Variants in RPS6KA2 observed in about 807,000 individuals in gnomAD.
RPS6KA2 encodes the protein ribosomal protein S6 kinase A2.
Under a neutral mutation model 91.8 loss-of-function variants are expected in RPS6KA2, and 42 were observed. The observed-to-expected ratio is 0.46, with a 90% confidence interval of 0.36 to 0.59. The LOEUF is 0.59. RPS6KA2 is among the 20% of genes least tolerant of loss of function. RPS6KA2 has a pLI of 0.00. For synonymous variants in RPS6KA2, 414 were observed against 393.6 expected (o/e 1.05, Z -0.61); for missense variants, 798 against 978.5 (o/e 0.82, Z 2.46).
intron 2 of RPS6KA2, among the ~76,000 whole-genome samples, chr6:166,810,502 C>T (rs1353409898): frequency 3.9e-5 from 6 of 152,138 alleles, no homozygotes; most frequent in Admixed American, 1.3e-4. Context: ...GAGATTGTGA[C>T]TAACTCAATC....
At chr6:166,467,278 G>A (rs1780577542) in intron 11 of RPS6KA2, among the ~76,000 whole-genome samples, 1 of 151,658 alleles carries the variant, frequency 6.6e-6, no homozygotes, top group African/African-American at 2.4e-5. Context: ...GATTCATAAA[G>A]TGCCTCCTTT....
rs115510230 is a variant in RPS6KA2 at position 166,736,938 on chromosome 6, G to A, written c.123+121262C>T. Among the ~76,000 whole-genome samples, 237 of 152,018 alleles carry A rather than the reference G, an allele frequency of 1.6e-3. 2 individuals carry two copies. The highest frequency in any genetic ancestry group is 5.3e-3 in the African/African-American group (218 of 41,472). On this transcript the variant is annotated intron_variant, in intron 2 of 21. Coordinates refer to the RPS6KA2 transcript ENST00000503859. ...TATCTCCTAGCAGAATTGACAAAAT[G>A]GGAAAATCCCTGAAGACATGTACTC...
At position 166,532,384 on chromosome 6, in the gene RPS6KA2, G is replaced by C. The variant is rs1041893189; in HGVS notation, c.217-1071C>G. Among the ~76,000 whole-genome samples, 4 of 152,220 alleles carry C rather than the reference G, an allele frequency of 2.6e-5. No individual in the cohort carries two copies. In the East Asian group the frequency reaches 7.7e-4, roughly 29 times the overall value. On this transcript the variant is annotated intron_variant, in intron 2 of 20. Transcript: ENST00000265678. ...GGGGCTCTAGGAGCAGGGGCTGCTA[G>C]GGCAGCCCAACTGGAGGGAGACCAA...
chr6:166,789,865 A>G (rs1779036541), intron 2 of RPS6KA2, among the ~76,000 whole-genome samples: 1 of 152,214 alleles, frequency 6.6e-6, no homozygotes, highest in Admixed American at 6.5e-5. Flanking sequence ...CCATCTGTAC[A>G]TCACCATCAT....
At chr6:166,705,903 T>C (rs1213616985) in intron 2 of RPS6KA2, among the ~76,000 whole-genome samples, 1 of 152,046 alleles carries the variant, frequency 6.6e-6, no homozygotes, top group Non-Finnish European at 1.5e-5. Flanking sequence ...GGGAGGTGAT[T>C]AGGTCATGAG....
At chr6:166,672,182 G>C (rs1010212519) in intron 2 of RPS6KA2, among the ~76,000 whole-genome samples, 8 of 152,132 alleles carry the variant, frequency 5.3e-5, no homozygotes, top group Non-Finnish European at 1.2e-4. Context: ...AGAGACCCAG[G>C]GCGGATATGA....
At position 166,419,749 on chromosome 6, in the gene RPS6KA2, A is replaced by T. The variant is rs542972717; in HGVS notation, c.1820+133T>A. 1.9e-4 allele frequency: 129 copies of T among 688,902 alleles called. 4 individuals carry two copies. The South Asian group carries it at 2.1e-3, about 11-fold the overall frequency. 42.7% of individuals were successfully genotyped at this position (688,902 alleles called of 1,614,324 possible). On this transcript the variant is annotated intron_variant, in intron 18 of 20. Coordinates refer to ENST00000265678, the MANE Select transcript of RPS6KA2 (RefSeq NM_021135.6). The surrounding 1 kb of genome is among the most constrained non-coding windows in gnomAD (Gnocchi z 5.6). ...TGCGAGTGTTCACTCAAGGCCTGGGAGTGTTTGCATACACGTTGGGTTTGC... is the reference window on the plus strand; with the variant it reads ...TGCGAGTGTTCACTCAAGGCCTGGGTGTGTTTGCATACACGTTGGGTTTGC...
chr6:166,515,741 G>GC (rs1315358932), intron 3 of RPS6KA2, among the ~76,000 whole-genome samples: 1 of 152,136 alleles, frequency 6.6e-6, no homozygotes, highest in Non-Finnish European at 1.5e-5. Context: ...AAATCCTGGG[G>GC]CCCCCACATC....
At position 166,533,869 on chromosome 6, in the gene RPS6KA2, G is replaced by A. The variant is rs1261200106; in HGVS notation, c.217-2556C>T. Among the ~76,000 whole-genome samples the A allele has an allele frequency of 1.3e-5, 2 of 152,054 alleles. No individual in the cohort carries two copies. Among genetic ancestry groups the A allele is most frequent in the Non-Finnish European group, 1.5e-5 (1 of 68,000 alleles). On this transcript the variant is annotated intron_variant, in intron 2 of 20. Transcript: ENST00000265678. This position sits in a 1 kb window ranked among gnomAD's most constrained non-coding sequence, Gnocchi z 4.0. The stretch of plus-strand genomic sequence containing the variant: ...GGCTGAGACAGAAGGATCTCTTGAG[G>A]CCAAGAATTTGCAACCAGCCTGGGC...
At chr6:166,791,202 A>C (rs1389047247) in intron 2 of RPS6KA2, among the ~76,000 whole-genome samples, 1 of 152,214 alleles carries the variant, frequency 6.6e-6, no homozygotes, top group African/African-American at 2.4e-5. Context: ...AAAAAAAAGC[A>C]AGGGTCGCAA....
intron 1 of RPS6KA2, among the ~76,000 whole-genome samples, chr6:166,550,863 T>A (rs576818568): frequency 4.6e-5 from 7 of 151,526 alleles, no homozygotes; most frequent in Non-Finnish European, 7.4e-5. Flanking sequence ...TAGCCAGGCG[T>A]GGTGGCGGGC....
At chr6:166,439,091 G>C (rs1383122138) in intron 14 of RPS6KA2, among the ~76,000 whole-genome samples, 1 of 103,914 alleles carries the variant, frequency 9.6e-6, no homozygotes, top group Non-Finnish European at 2.1e-5. Context: ...ATTTTTTCTT[G>C]TCTTTATTTT....
intron 1 of RPS6KA2, among the ~76,000 whole-genome samples, chr6:166,623,712 A>G (rs1197720114): frequency 6.6e-6 from 1 of 152,148 alleles, no homozygotes; most frequent in Non-Finnish European, 1.5e-5. Context: ...TCTCTTGGGG[A>G]TGAGGGTCTT....
At chr6:166,716,131 G>A (rs1790008202) in intron 2 of RPS6KA2, among the ~76,000 whole-genome samples, 1 of 149,160 alleles carries the variant, frequency 6.7e-6, no homozygotes, top group Non-Finnish European at 1.5e-5. Flanking sequence ...AAACAGACTT[G>A]AAGCAAAATG....
At chr6:166,661,458 T>A (rs534091690) in intron 2 of RPS6KA2, among the ~76,000 whole-genome samples, 1 of 152,350 alleles carries the variant, frequency 6.6e-6, no homozygotes, top group South Asian at 2.1e-4. Context: ...TTTAAAATAT[T>A]TGATGGCTGT....
At chr6:166,766,372 G>T (rs1012607350) in intron 2 of RPS6KA2, among the ~76,000 whole-genome samples, 2 of 152,010 alleles carry the variant, frequency 1.3e-5, no homozygotes, top group African/African-American at 4.8e-5. Flanking sequence ...TATAATTATT[G>T]TACCAGTAAT....
chr6:166,721,627 C>T (rs766858984), intron 2 of RPS6KA2, among the ~76,000 whole-genome samples: 24 of 152,228 alleles, frequency 1.6e-4, no homozygotes, highest in Non-Finnish European at 2.1e-4. Context: ...GCTGGGTGAT[C>T]GCAGTGGGTC....
At chr6:166,453,357 G>T (rs7744447) in intron 12 of RPS6KA2, among the ~76,000 whole-genome samples, 1 of 151,970 alleles carries the variant, frequency 6.6e-6, no homozygotes, top group African/African-American at 2.4e-5. Flanking sequence ...CAAGGAACTC[G>T]AACAACTCAA....
At chr6:166,420,078 G>T in intron 17 of RPS6KA2, 120 bp from the exon 18 acceptor site, 1 of 868,138 alleles carries the variant, frequency 1.2e-6, no homozygotes, top group Non-Finnish European at 1.8e-6. Context: ...GCGGTGCCAT[G>T]TCTTCGGTGT....
Sources: gnomAD v4.1 joint callset for allele counts (sites outside exome capture counted in the v4.1 genomes callset) on GRCh38, gnomAD v4.1.1 for gene constraint, Gnocchi (gnomAD v3.1) non-coding constraint, MANE v1.5 for transcripts, NCBI Gene and HGNC (gene_info 2026-07-23, HGNC 2026-07-21) for gene names.